The following SESN1 variants were observed in gnomAD, a reference collection of about 807,000 sequenced individuals.
The protein encoded by SESN1 is sestrin 1, also known as sestrin-1.
A neutral mutation model predicts 59.3 loss-of-function variants in SESN1; 30 were observed. The ratio of observed to expected loss-of-function variants is 0.51; its 90% confidence interval spans 0.38 to 0.69. The LOEUF is 0.69. Among genes scored for constraint, SESN1 ranks in the 30% least tolerant of loss-of-function variants. The pLI, the probability that SESN1 is intolerant of heterozygous loss-of-function variation, is 0.00. For missense variants in SESN1, 566 were observed against 673.0 expected (o/e 0.84, Z 1.76); for synonymous variants, 197 against 219.9 (o/e 0.90, Z 0.92).
intron 1 of SESN1, among the ~76,000 whole-genome samples, chr6:109,004,672 C>T (rs568801668): frequency 4.2e-4 from 64 of 152,198 alleles, no homozygotes; most frequent in African/African-American, 1.5e-3. Flanking sequence ...CCTCGTGATG[C>T]GCCCACCTCG....
At chr6:109,029,251 G>C (rs991508824) in intron 1 of SESN1, among the ~76,000 whole-genome samples, 9 of 152,090 alleles carry the variant, frequency 5.9e-5, no homozygotes, top group Non-Finnish European at 1.0e-4. Flanking sequence ...ACTCTTCCTA[G>C]CCACTGATGA....
chr6:109,051,955 C>T (rs1237729729), intron 1 of SESN1, among the ~76,000 whole-genome samples: 1 of 152,186 alleles, frequency 6.6e-6, no homozygotes, highest in African/African-American at 2.4e-5. Flanking sequence ...AAAGACCCCA[C>T]CTCTTAATAC....
At chr6:109,073,154 G>C (rs987638902) in intron 1 of SESN1, among the ~76,000 whole-genome samples, 13 of 152,030 alleles carry the variant, frequency 8.6e-5, no homozygotes, top group Admixed American at 7.9e-4. Flanking sequence ...TAACCTCTTT[G>C]TGTCTCAGCC....
intron 1 of SESN1, among the ~76,000 whole-genome samples, chr6:109,021,355 G>A (rs540309227): frequency 1.3e-5 from 2 of 152,086 alleles, no homozygotes; most frequent in African/African-American, 2.4e-5. Context: ...GTATAGATGT[G>A]TATTTCCCCC....
rs1051565488 is a variant in SESN1, at chr6:109,039,025, AAGAG to A, written c.280-36686_280-36683del. 1.2e-4 allele frequency among the ~76,000 whole-genome samples: 17 copies of A among 140,092 alleles called. No homozygotes were observed. In the South Asian group the frequency reaches 3.1e-3, roughly 25 times the overall value. 91.9% of individuals were successfully genotyped at this position (140,092 alleles called of 152,430 possible). A position where few individuals can be genotyped will look rare whatever the true frequency, so the allele number is the denominator to read the frequency against. ...AAAAGAAGAAAGAGAAAGAAAGAAA[AAGAG>A]AAAGAAAGAAGAAGGAGGGAGAAGG... On this transcript the variant is annotated intron_variant, in intron 1 of 9. Transcript: ENST00000436639.
At position 108,990,838 on chromosome 6, in the gene SESN1, A is replaced by C. The variant is rs1229719573; in HGVS notation, c.1234-3T>G. 6.2e-7 allele frequency: 1 copy of C among 1,612,046 alleles called. No individual in the cohort carries two copies. The highest frequency in any genetic ancestry group is 2.2e-5 in the East Asian group (1 of 44,862). ...CCATGATCTTCCCAGCAATAGTCCT[A>C]AATACAGGGAATAGAACAAATGTGA... On this transcript the variant is annotated splice_polypyrimidine_tract_variant and splice_region_variant and intron_variant, in intron 7 of 9. Transcript: ENST00000436639.
chr6:109,085,050 G>GTT (rs57841808), intron 1 of SESN1, among the ~76,000 whole-genome samples: 2 of 147,352 alleles, frequency 1.4e-5, no homozygotes, highest in Non-Finnish European at 3.0e-5. Flanking sequence ...ATCTTTTAAA[G>GTT]TTTTTTTTTC....
At position 109,033,684 on chromosome 6, in the gene SESN1, G is replaced by A. The variant is rs535929248; in HGVS notation, c.280-31341C>T. ...AAAATGGGAGGGGCCATAATTCATA[G>A]GACAGTTCTAAGAGCAAAATTTGAT... On this transcript the variant is annotated intron_variant, in intron 1 of 9. Transcript: ENST00000436639. Among the ~76,000 whole-genome samples, 7 of 152,246 alleles carry A rather than the reference G, an allele frequency of 4.6e-5. No homozygotes were observed. In the East Asian group the frequency reaches 1.4e-3, roughly 29 times the overall value.
chr6:109,076,278 A>G (rs1400335933), intron 1 of SESN1, among the ~76,000 whole-genome samples: 1 of 152,232 alleles, frequency 6.6e-6, no homozygotes, highest in Non-Finnish European at 1.5e-5. Flanking sequence ...TACTGGCTGA[A>G]TATCAGTCCT....
At chr6:108,994,864 G>A (rs779740983) in intron 5 of SESN1, among the ~76,000 whole-genome samples, 12 of 151,798 alleles carry the variant, frequency 7.9e-5, no homozygotes, top group Admixed American at 2.0e-4. Flanking sequence ...CACCATGCCC[G>A]GCTAATTTTT....
At chr6:109,013,967 A>AG in intron 1 of SESN1, among the ~76,000 whole-genome samples, 1 of 149,356 alleles carries the variant, frequency 6.7e-6, no homozygotes, top group South Asian at 2.1e-4. Context: ...AGATCCTTTT[A>AG]GCACTGAACT....
At chr6:109,010,692 TA>T (rs1288526913) in intron 1 of SESN1, among the ~76,000 whole-genome samples, 4 of 152,228 alleles carry the variant, frequency 2.6e-5, no homozygotes, top group Non-Finnish European at 4.4e-5. Context: ...ATACTGCTTT[TA>T]AAAAATAGCT....
intron 1 of SESN1, among the ~76,000 whole-genome samples, chr6:109,034,215 C>G (rs1214035535): frequency 1.3e-5 from 2 of 152,154 alleles, no homozygotes; most frequent in African/African-American, 4.8e-5. Flanking sequence ...GACTTTACTC[C>G]TCCTCTTTGT....
At chr6:109,074,511 G>T (rs1183755312) in intron 1 of SESN1, among the ~76,000 whole-genome samples, 1 of 152,144 alleles carries the variant, frequency 6.6e-6, no homozygotes, top group Non-Finnish European at 1.5e-5. Context: ...TATAAATTAT[G>T]TAATCATTTG....
chr6:108,993,474 A>C (rs955459486), intron 6 of SESN1, among the ~76,000 whole-genome samples: 2 of 152,196 alleles, frequency 1.3e-5, no homozygotes, highest in African/African-American at 2.4e-5. Flanking sequence ...CATGGAAACA[A>C]AAATTTTTCC....
chr6:109,016,072 T>A (rs980033949), intron 1 of SESN1, among the ~76,000 whole-genome samples: 15 of 152,326 alleles, frequency 9.8e-5, no homozygotes, highest in Non-Finnish European at 1.3e-4. Flanking sequence ...ACAGACTTAA[T>A]GGAACTGAAC....
At chr6:108,995,426 C>T (rs1779484051) in intron 5 of SESN1, among the ~76,000 whole-genome samples, 1 of 152,190 alleles carries the variant, frequency 6.6e-6, no homozygotes, top group Admixed American at 6.5e-5. Context: ...CACCTGACCT[C>T]TGCAAATGGA....
chr6:109,091,419 C>T (rs1038606950), intron 1 of SESN1, among the ~76,000 whole-genome samples: 2 of 152,102 alleles, frequency 1.3e-5, no homozygotes, highest in African/African-American at 4.8e-5. Flanking sequence ...ATGACAGTAT[C>T]GCAGCCAGGT....
chr6:109,073,985 T>C (rs746179921), intron 1 of SESN1, among the ~76,000 whole-genome samples: 45 of 152,260 alleles, frequency 3.0e-4, no homozygotes, highest in African/African-American at 8.0e-4. Context: ...TGTCACATAA[T>C]AACATTTTGG....
Sources: allele counts gnomAD v4.1 joint callset (sites outside exome capture counted in the v4.1 genomes callset), GRCh38; gene constraint gnomAD v4.1.1; transcripts MANE v1.5; gene names NCBI Gene and HGNC (gene_info 2026-07-23, HGNC 2026-07-21).